Variants in AUTS2 observed in about 807,000 individuals in gnomAD.
AUTS2 encodes the protein activator of transcription and developmental regulator AUTS2.
A neutral mutation model predicts 112.4 loss-of-function variants in AUTS2; 17 were observed. That is an observed-to-expected ratio of 0.15 (90% CI 0.10 to 0.23). AUTS2 has a LOEUF of 0.23. AUTS2 is among the 10% of genes least tolerant of loss of function. The probability of loss-of-function intolerance (pLI) is 1.00; values close to 1 mark genes in which losing one functional copy is unlikely to be tolerated. For missense variants in AUTS2, 1,510 were observed against 1,701.6 expected, an observed-to-expected ratio of 0.89 and a Z score of 1.98; for synonymous variants, 751 against 702.7, an observed-to-expected ratio of 1.07 and a Z score of -1.09.
At chr7:69,915,861 G>C (rs1039853464) in intron 2 of AUTS2, among the ~76,000 whole-genome samples, 5 of 152,220 alleles carry the variant, frequency 3.3e-5, no homozygotes, top group African/African-American at 1.2e-4. Flanking sequence ...TGAGTAGCTG[G>C]GACTACAGGC....
At chr7:70,535,931 A>G (rs1014171665) in intron 5 of AUTS2, among the ~76,000 whole-genome samples, 3 of 152,196 alleles carry the variant, frequency 2.0e-5, no homozygotes, top group Non-Finnish European at 4.4e-5. Context: ...GTGTAAAACA[A>G]AGGATCTCAG....
chr7:70,291,007 A>C (rs1788683970), intron 4 of AUTS2: 1 of 152,422 alleles, frequency 6.6e-6, no homozygotes, highest in Admixed American at 6.5e-5. Flanking sequence ...AAAACCACAT[A>C]TGTATCTTAT....
intron 1 of AUTS2, among the ~76,000 whole-genome samples, chr7:69,814,878 G>A (rs1382706864): frequency 6.6e-6 from 1 of 152,220 alleles, no homozygotes; most frequent in East Asian, 1.9e-4. Flanking sequence ...CAACAGAAAA[G>A]CATTCGTGGC....
chr7:70,310,937 G>A (rs1184708346), intron 4 of AUTS2, among the ~76,000 whole-genome samples: 2 of 152,000 alleles, frequency 1.3e-5, no homozygotes, highest in Non-Finnish European at 2.9e-5. Flanking sequence ...AATGGCAAGC[G>A]TTTCTTAGTT....
rs375069884 is a variant in AUTS2, at chr7:70,460,532, G to A, written c.690+24751G>A. On this transcript the variant is annotated intron_variant, in intron 5 of 18. Coordinates refer to ENST00000342771, the MANE Select transcript of AUTS2 (RefSeq NM_015570.4). Reference sequence around the variant, plus strand: ...TGCCTGGCTAATTTTTATACTTTTAGTAGAGATGGGGTTTCACCATGTTGG... The same window carrying A: ...TGCCTGGCTAATTTTTATACTTTTAATAGAGATGGGGTTTCACCATGTTGG... Among the ~76,000 whole-genome samples, 307 of 151,864 alleles carry A rather than the reference G, an allele frequency of 2.0e-3. 12 individuals carry two copies. In the South Asian group the frequency reaches 0.056, roughly 28 times the overall value.
intron 2 of AUTS2, among the ~76,000 whole-genome samples, chr7:69,985,461 C>A (rs1483081920): frequency 2.0e-5 from 3 of 152,218 alleles, no homozygotes; most frequent in African/African-American, 7.2e-5. Flanking sequence ...CCAATATGAT[C>A]TTTTCAAAAC....
intron 4 of AUTS2, among the ~76,000 whole-genome samples, chr7:70,325,971 C>CA (rs1004920489): frequency 1.3e-5 from 2 of 152,166 alleles, no homozygotes; most frequent in African/African-American, 4.8e-5. Flanking sequence ...GTTCATTTTG[C>CA]ACATGTTTTG....
chr7:69,744,097 G>T (rs1787383096), intron 1 of AUTS2, among the ~76,000 whole-genome samples: 1 of 152,062 alleles, frequency 6.6e-6, no homozygotes, highest in Non-Finnish European at 1.5e-5. Context: ...CGCCTGGCCA[G>T]CGTAATTATT....
chr7:70,659,238 A>G (rs1446536887), intron 5 of AUTS2, among the ~76,000 whole-genome samples: 1 of 152,150 alleles, frequency 6.6e-6, no homozygotes, highest in Non-Finnish European at 1.5e-5. Flanking sequence ...GCAGGATATC[A>G]CGCCCACGAC....
intron 5 of AUTS2, among the ~76,000 whole-genome samples, chr7:70,474,262 G>A (rs1252198688): frequency 6.6e-6 from 1 of 152,218 alleles, no homozygotes; most frequent in Non-Finnish European, 1.5e-5. Flanking sequence ...ACAAGATGAA[G>A]TTTACTCGCT....
At chr7:69,822,377 C>T (rs573183693) in intron 1 of AUTS2, among the ~76,000 whole-genome samples, 2 of 152,218 alleles carry the variant, frequency 1.3e-5, no homozygotes, top group South Asian at 2.1e-4. Flanking sequence ...CTCACAGCTA[C>T]CTGGTAGGTC....
intron 2 of AUTS2, among the ~76,000 whole-genome samples, chr7:69,946,608 GCA>G (rs1796825849): frequency 1.8e-5 from 2 of 111,936 alleles, no homozygotes; most frequent in Non-Finnish European, 4.0e-5. Flanking sequence ...ACACACACAC[GCA>G]CGCACACAGA....
chr7:69,833,789 G>C (rs193112045), intron 1 of AUTS2, among the ~76,000 whole-genome samples: 210 of 152,236 alleles, frequency 1.4e-3, no homozygotes, highest in Non-Finnish European at 2.4e-3. Context: ...ACTTGTCCTA[G>C]AATGTCTTTG....
intron 1 of AUTS2, among the ~76,000 whole-genome samples, chr7:69,716,920 T>C (rs898991547): frequency 6.6e-6 from 1 of 152,094 alleles, no homozygotes; most frequent in African/African-American, 2.4e-5. Flanking sequence ...TAGGGCAAGA[T>C]AGGAGAGAAG....
At chr7:70,022,008 A>AT (rs1208861871) in intron 2 of AUTS2, among the ~76,000 whole-genome samples, 2 of 151,598 alleles carry the variant, frequency 1.3e-5, no homozygotes, top group African/African-American at 4.9e-5. Context: ...TTTTGTCTTA[A>AT]TTTGACCTAT....
chr7:70,718,239 T>C (rs2129550903), intron 6 of AUTS2, among the ~76,000 whole-genome samples: 1 of 152,326 alleles, frequency 6.6e-6, no homozygotes, highest in Non-Finnish European at 1.5e-5. Context: ...GTGCTGCTGC[T>C]TTCTGCCTCC....
intron 5 of AUTS2, among the ~76,000 whole-genome samples, chr7:70,605,544 C>CTA (rs760981505): frequency 2.5e-5 from 1 of 40,542 alleles, no homozygotes; most frequent in African/African-American, 1.6e-4. Flanking sequence ...TTCCTTCTTT[C>CTA]TCTTTTTTTT....
rs371468010 is a variant in AUTS2, at chr7:70,126,709, A to T, written c.625-7827A>T. On this transcript the variant is annotated intron_variant, in intron 3 of 18. Coordinates refer to ENST00000342771, the MANE Select transcript of AUTS2 (RefSeq NM_015570.4). ...AAAACTTACTTAAAAACTTTTAATA[A>T]ACAAGCCTCAAATTATGAAATGTTA... Among the ~76,000 whole-genome samples the T allele has an allele frequency of 9.2e-5, 14 of 152,370 alleles. No individual in the cohort carries two copies. In the East Asian group the frequency reaches 1.9e-3, roughly 21 times the overall value.
chr7:69,647,529 A>G (rs779778614), intron 1 of AUTS2, among the ~76,000 whole-genome samples: 18 of 151,740 alleles, frequency 1.2e-4, no homozygotes, highest in African/African-American at 3.9e-4. Context: ...TGATTTTTAA[A>G]TTTTTTTCTA....
Sources: gnomAD v4.1 joint callset for allele counts (sites outside exome capture counted in the v4.1 genomes callset) on GRCh38, gnomAD v4.1.1 for gene constraint, MANE v1.5 for transcripts, NCBI Gene and HGNC (gene_info 2026-07-23, HGNC 2026-07-21) for gene names.